The following TTN variants were observed in gnomAD, a reference collection of about 807,000 sequenced individuals.
TTN encodes connectin.
A neutral mutation model predicts 3,223.0 loss-of-function variants in TTN; 1,525 were observed. The observed-to-expected ratio is 0.47, with a 90% CI of 0.45 to 0.49. The LOEUF is 0.49. Ranked by LOEUF, TTN falls within the 20% of genes least tolerant of loss-of-function variation. The probability of loss-of-function intolerance (pLI) is 0.00; values close to 1 mark genes in which losing one functional copy is unlikely to be tolerated. For synonymous variants in TTN, 14,094 were observed against 15,161.0 expected (o/e 0.93, Z 5.17); for missense variants, 40,786 against 43,424.0 (o/e 0.94, Z 5.40).
intron 152 of TTN, 25 bp downstream of exon 152, chr2:178,673,608 T>C: frequency 4.6e-6 from 7 of 1,515,644 alleles, no homozygotes; most frequent in Non-Finnish European, 6.2e-6. Flanking sequence ...AAGTTAAAGA[T>C]ATTAATAATG....
rs931429979 is a variant in TTN, at chr2:178,756,377, A to G, written c.11099T>C (p.Ile3700Thr). 1.9e-6 allele frequency: 3 copies of G among 1,613,886 alleles called. No homozygotes were observed. The highest frequency in any genetic ancestry group is 2.2e-5 in the East Asian group (1 of 44,848). Residue 3700 changes from isoleucine to threonine, a missense_variant, in exon 46 of 363, where the codon ATA becomes ACA. Ile to Thr is a moderately conservative substitution (Grantham distance 89). Transcript: ENST00000589042. ...TTGTTTCAGTCTCTCGGATTCCTCT[A>G]TCTTTGCACCTTCGTGAGTCCAGGT... is the stretch of plus-strand genomic sequence containing the variant. ...DVTWTHEGAK[I>T]EESERLKQSQ... is the part of the protein sequence containing the mutation.
At chr2:178,610,436 A>G in intron 270 of TTN, 47 bp from the exon 271 acceptor site, 1 of 1,584,194 alleles carries the variant, frequency 6.3e-7, no homozygotes, top group Non-Finnish European at 8.6e-7. Context: ...AAAAATCAGC[A>G]TTTTAATAAT....
At position 178,607,823 on chromosome 2, in the gene TTN, G is replaced by T; in HGVS notation, c.52964C>A (p.Pro17655His). 6.2e-7 allele frequency: 1 copy of T among 1,612,972 alleles called. No homozygotes were observed. Among genetic ancestry groups the T allele is most frequent in the Non-Finnish European group, 8.5e-7 (1 of 1,179,318 alleles). ...SAVNAAGEGP[P>H]GETQPVTVAE... The stretch of plus-strand genomic sequence containing the variant: ...CACAGTAACAGGTTGTGTTTCTCCA[G>T]GCGGTCCTTCCCCTGCGGCATTGAC... The change falls in exon 276 of 363, where the codon CCT (proline) becomes CAT (histidine). Residue 17655 changes from proline (P) to histidine (H), a missense_variant. By Grantham distance (77) the Pro-to-His change is moderately conservative (BLOSUM62 -2). Transcript: ENST00000589042.
chr2:178,626,364 A>G (rs2059055916), intron 240 of TTN, among the ~76,000 whole-genome samples: 1 of 152,006 alleles, frequency 6.6e-6, no homozygotes, highest in Admixed American at 6.6e-5. Context: ...GGTGCGACAG[A>G]TAGGGGTCAT....
rs149131555 is a variant in TTN at position 178,729,300 on chromosome 2, C to T, written c.18856G>A (p.Val6286Ile). The T allele has an allele frequency of 3.3e-4, 532 of 1,610,014 alleles. 4 individuals carry two copies. The African/African-American group carries it at 6.3e-3, about 19-fold the overall frequency. Residue 6286 changes from valine (V) to isoleucine (I), a missense_variant, in exon 64 of 363, where the codon GTT (valine) becomes ATT (isoleucine). Transcript: ENST00000589042. ...TTGTATAACTGACCTTTCAGGGCAA[C>T]TCTAGTACTGCATGAGCAGCTGCCG... ...EGGSCSCSTR[V>I]ALKEPPSFIK... is the part of the protein sequence containing the mutation.
chr2:178,585,795 C>A (rs1455124050), intron 308 of TTN, among the ~76,000 whole-genome samples: 1 of 151,944 alleles, frequency 6.6e-6, no homozygotes, highest in Non-Finnish European at 1.5e-5. Context: ...TGCGTAGTAT[C>A]CTGTGGTGTA....
rs372754970 is a variant in TTN at position 178,532,829 on chromosome 2, G to A, written c.103786C>T (p.Arg34596Cys). ...RVVQKRPKRI[R>C]LSRWEQFYVM... ...TAGAACTGTTCCCATCTTGAAAGGC[G>A]GATGCGCTTGGGTCGTTTCTGTACA... The change falls in exon 358 of 363, where the codon CGC becomes TGC. Residue 34596 changes from arginine (R) to cysteine (C), a missense_variant. By Grantham distance (180) the Arg-to-Cys change is radical. Coordinates refer to ENST00000589042, the MANE Select transcript of TTN (RefSeq NM_001267550.2). 1.2e-5 allele frequency: 20 copies of A among 1,613,806 alleles called. No homozygotes were observed. Among genetic ancestry groups the A allele is most frequent in the African/African-American group, 1.1e-4 (8 of 74,912 alleles).
At chr2:178,699,375 A>G (rs1409092992) in intron 111 of TTN, among the ~76,000 whole-genome samples, 1 of 124,822 alleles carries the variant, frequency 8.0e-6, no homozygotes, top group Non-Finnish European at 1.7e-5. Flanking sequence ...TCATGAATAA[A>G]TAACACTCTT....
At chr2:178,640,393 T>C (rs1347371839) in intron 221 of TTN, 148 bp downstream of exon 221, 2 of 770,538 alleles carry the variant, frequency 2.6e-6, no homozygotes, top group Non-Finnish European at 4.1e-6. Context: ...GCCAATTGCA[T>C]AGGAGAGTGA....
rs769934781 is a variant in TTN at position 178,580,049 on chromosome 2, A to G, written c.67238T>C (p.Phe22413Ser). Residue 22413 changes from phenylalanine (F) to serine (S), a missense_variant, in exon 318 of 363, where the codon TTC becomes TCC. Coordinates refer to ENST00000589042, the MANE Select transcript of TTN (RefSeq NM_001267550.2). ...TCCCTCCTCCAAATTAGCTACTCTG[A>G]AGCTTGTTTTGGAGCACTCAGTTGT... is the stretch of plus-strand genomic sequence containing the variant. ...TVTTECSKTS[F>S]RVANLEEGKS... The G allele has an allele frequency of 5.6e-6, 9 of 1,613,200 alleles. No homozygotes were observed. Among genetic ancestry groups the G allele is most frequent in the Non-Finnish European group, 7.6e-6 (9 of 1,179,496 alleles).
Position 178,529,960 on chromosome 2 carries a change from C to G in TTN, c.106531G>C (p.Ala35511Pro), listed in dbSNP as rs768786354. The G allele has an allele frequency of 6.3e-7, 1 of 1,587,278 alleles. No homozygotes were observed. The highest frequency in any genetic ancestry group is 8.5e-7 in the Non-Finnish European group (1 of 1,173,388). ...TGGGTAAAAACAAAAGCCAACCTAC[C>G]TTTTATTGTTAATTTGCAGCTAGAG... ...VSSSCKLTIKAIKDTEAQKVS... is the reference protein window; with the variant it reads ...VSSSCKLTIKPIKDTEAQKVS... Residue 35511 changes from alanine (A) to proline (P), a missense_variant and splice_region_variant, in exon 359 of 363, where the codon GCT (alanine) becomes CCT (proline). Physicochemically the swap from Ala to Pro is conservative, Grantham distance 27. Coordinates refer to ENST00000589042, the MANE Select transcript of TTN (RefSeq NM_001267550.2).
rs759580554 is a variant in TTN, at chr2:178,757,714, C to T, written c.10506G>A (p.Gln3502=). ...PKPEIQWFHN[Q]QLILPTKDVV... The stretch of plus-strand genomic sequence containing the variant: ...CATCTTTTGTTGGTAGAATTAGCTG[C>T]TGGTTATGAAACCATTGGATTTCTG... Residue 3502 remains glutamine (Q), a synonymous_variant, in exon 45 of 363, where the codon CAG becomes CAA. Transcript: ENST00000589042. 1 of 1,613,850 alleles carries T rather than the reference C, an allele frequency of 6.2e-7. No individual in the cohort carries two copies. Among genetic ancestry groups the T allele is most frequent in the East Asian group, 2.2e-5 (1 of 44,838 alleles).
rs1553893828 is a variant in TTN, at chr2:178,713,381, T to TACAAAACAAAACAAAACAAAAA, written c.26762-10_26762-9insTTTTTGTTTTGTTTTGTTTTGT. 6.8e-7 allele frequency: 1 copy of TACAAAACAAAACAAAACAAAAA among 1,468,874 alleles called. No individual in the cohort carries two copies. Among genetic ancestry groups the TACAAAACAAAACAAAACAAAAA allele is most frequent in the East Asian group, 2.5e-5 (1 of 39,378 alleles). The allele number at this position is 1,468,874 out of a possible 1,614,324, so 91.0% of individuals were successfully genotyped here. ...AGGAGGAACGGTTCGGTCTGAATGA[T>TACAAAACAAAACAAAACAAAAA]ACAAAACAAAACAAAACAAAACAAA... On this transcript the variant is annotated splice_polypyrimidine_tract_variant and intron_variant, in intron 92 of 362. Transcript: ENST00000589042.
intron 67 of TTN, 64 bp from the exon 68 acceptor site, chr2:178,727,927 T>C: frequency 6.8e-7 from 1 of 1,478,320 alleles, no homozygotes. Context: ...GTGACAGTTT[T>C]ATGGACATTT....
Position 178,712,902 on chromosome 2 carries a change from G to C in TTN, c.27123C>G (p.Ile9041Met), listed in dbSNP as rs890920556. The stretch of plus-strand genomic sequence containing the variant: ...CACTGAAAGGAGGTGTTCCTTTTAC[G>C]ATACTTGTGAAAGTTACATTGGTCC... ...LTGTNVTFTS[I>M]VKGTPPFSVS... is the part of the protein sequence containing the mutation. Residue 9041 changes from isoleucine (I) to methionine (M), a missense_variant, in exon 94 of 363, where the codon ATC (isoleucine) becomes ATG (methionine). Transcript: ENST00000589042. 2 of 1,613,334 alleles carry C rather than the reference G, an allele frequency of 1.2e-6. No individual in the cohort carries two copies. The highest frequency in any genetic ancestry group is 2.7e-5 in the African/African-American group (2 of 75,028).
chr2:178,789,386 C>G lies in TTN; in HGVS notation c.2050G>C (p.Glu684Gln), dbSNP rs748742209. Residue 684 changes from glutamate (E) to glutamine (Q), a missense_variant, in exon 13 of 363, where the codon GAA becomes CAA. By Grantham distance (29) the Glu-to-Gln change is conservative. Transcript: ENST00000589042. ...RTRETMATRQ[E>Q]QIQVTHGKVD... ...TTTCCATGGGTAACTTGGATTTGTT[C>G]TTGTCTAGTAGCCATAGTTTCTCTA... 6.2e-7 allele frequency: 1 copy of G among 1,613,386 alleles called. No individual in the cohort carries two copies. Among genetic ancestry groups the G allele is most frequent in the South Asian group, 1.1e-5 (1 of 91,052 alleles).
Position 178,713,174 on chromosome 2 carries a change from A to G in TTN, c.26960T>C (p.Met8987Thr). The G allele has an allele frequency of 6.2e-7, 1 of 1,613,792 alleles. No individual in the cohort carries two copies. Among genetic ancestry groups the G allele is most frequent in the South Asian group, 1.1e-5 (1 of 91,080 alleles). ...GTCACCACTGTCTGATTCTTCCAGC[A>G]TGTTCACAGTTAAAGCACAAGTATT... ...TDNTCALTVN[M>T]LEESDSGDYT... The change falls in exon 93 of 363, where the codon ATG becomes ACG. Residue 8987 changes from methionine (M) to threonine (T), a missense_variant. Met to Thr is a moderately conservative substitution (Grantham distance 81). Transcript: ENST00000589042.
At position 178,566,242 on chromosome 2, in the gene TTN, T is replaced by G; in HGVS notation, c.79890A>C (p.Glu26630Asp). The G allele has an allele frequency of 1.2e-6, 2 of 1,613,714 alleles. No individual in the cohort carries two copies. The highest frequency in any genetic ancestry group is 1.7e-6 in the Non-Finnish European group (2 of 1,179,690). ...TTTGGACCTTATCTGTGAATTCACC[T>G]TCCTCTCGAGACCAAGTGATCTCAG... ...PTPEITWSRE[E>D]GEFTDKVQIE... The change falls in exon 326 of 363, where the codon GAA (glutamate) becomes GAC (aspartate). Residue 26630 changes from glutamate (E) to aspartate (D), a missense_variant. Transcript: ENST00000589042.
At chr2:178,725,170 C>T (rs958209583) in intron 71 of TTN, 198 bp downstream of exon 71, 12 of 502,980 alleles carry the variant, frequency 2.4e-5, no homozygotes, top group African/African-American at 1.2e-4. Context: ...AACAATAAAA[C>T]AGATGTCTAA....
Sources: gnomAD v4.1 joint callset for allele counts (sites outside exome capture counted in the v4.1 genomes callset) on GRCh38, gnomAD v4.1.1 for gene constraint, MANE v1.5 for transcripts, NCBI Gene and HGNC (gene_info 2026-07-23, HGNC 2026-07-21) for gene names.